The following LMO7 variants were observed in gnomAD, a reference collection of about 807,000 sequenced individuals.
LMO7 encodes the protein LIM domain 7.
In LMO7, 120 loss-of-function variants were observed where a neutral mutation model predicts 206.5. The ratio of observed to expected loss-of-function variants is 0.58; its 90% confidence interval spans 0.50 to 0.68. LMO7 has a LOEUF of 0.68. Ranked by LOEUF, LMO7 falls within the 30% of genes least tolerant of loss-of-function variation. LMO7 has a pLI of 0.00. For synonymous variants in LMO7, 706 were observed against 681.5 expected, an observed-to-expected ratio of 1.04 and a Z score of -0.56; for missense variants, 1,959 against 1,957.9, an observed-to-expected ratio of 1.00 and a Z score of -0.01.
intron 4 of LMO7, among the ~76,000 whole-genome samples, chr13:75,785,250 A>G (rs1329205494): frequency 6.6e-6 from 1 of 152,156 alleles, no homozygotes; most frequent in Non-Finnish European, 1.5e-5. Flanking sequence ...GTAAGGTAGA[A>G]AATATTTGTG....
chr13:75,698,060 C>A (rs989614660), intron 1 of LMO7, among the ~76,000 whole-genome samples: 1 of 152,014 alleles, frequency 6.6e-6, no homozygotes, highest in Admixed American at 6.5e-5. Flanking sequence ...TGAGACCATA[C>A]AATTAAAGTG....
In LMO7 at chr13:75,833,401, T is replaced by G. The variant is rs184136703; in HGVS notation, c.3064+236T>G. On this transcript the variant is annotated intron_variant, in intron 16 of 30. Coordinates refer to ENST00000377534, the MANE Select transcript of LMO7 (RefSeq NM_001306080.2). Reference sequence around the variant, plus strand: ...GTTTTGAAGAGTCTTAATTTTGTGATTTTACAGATTTTATCCATTTTGGAC... The same window carrying G: ...GTTTTGAAGAGTCTTAATTTTGTGAGTTTACAGATTTTATCCATTTTGGAC... Among the ~76,000 whole-genome samples, 356 of 152,310 alleles carry G rather than the reference T, an allele frequency of 2.3e-3. 2 individuals are homozygous for G. Among genetic ancestry groups the G allele is most frequent in the African/African-American group, 7.8e-3 (326 of 41,574 alleles).
chr13:75,857,986 G>C lies in LMO7; in HGVS notation c.*43G>C. Reference sequence around the variant, plus strand: ...AAGCACTGTTGCAGATAGAAGAAGAGGTGGTTGCTGCTCATGTAGATCTAT... The same window carrying C: ...AAGCACTGTTGCAGATAGAAGAAGACGTGGTTGCTGCTCATGTAGATCTAT... On this transcript the variant is annotated 3_prime_UTR_variant, in exon 31 of 31. Coordinates refer to ENST00000377534, the MANE Select transcript of LMO7 (RefSeq NM_001306080.2). 2 of 1,607,400 alleles carry C rather than the reference G, an allele frequency of 1.2e-6. No individual in the cohort carries two copies. The highest frequency in any genetic ancestry group is 1.7e-6 in the Non-Finnish European group (2 of 1,176,506).
At chr13:75,838,264 G>T in intron 20 of LMO7, 68 bp downstream of exon 20, 1 of 1,516,682 alleles carries the variant, frequency 6.6e-7, no homozygotes. Flanking sequence ...CTTCCTCATG[G>T]TCTGTGGTGC....
intron 4 of LMO7, among the ~76,000 whole-genome samples, chr13:75,793,909 A>G (rs575023905): frequency 2.6e-5 from 4 of 151,888 alleles, no homozygotes; most frequent in Non-Finnish European, 4.4e-5. Context: ...ATATGAATGG[A>G]ATAATACAGC....
intron 2 of LMO7, among the ~76,000 whole-genome samples, chr13:75,720,093 G>A (rs1159946913): frequency 6.6e-6 from 1 of 152,162 alleles, no homozygotes; most frequent in Non-Finnish European, 1.5e-5. Context: ...AACATATGAT[G>A]TGGAGCATCT....
In LMO7 at chr13:75,797,125, C is replaced by T. The variant is rs17065060; in HGVS notation, c.462+376C>T. Among the ~76,000 whole-genome samples the T allele has an allele frequency of 3.4e-3, 514 of 152,240 alleles. 3 individuals carry two copies. The highest frequency in any genetic ancestry group is 0.011 in the African/African-American group (470 of 41,556). ...AGAGGTGCTTCCTGGACTGTTCACG[C>T]GCATGGAATTTACTCAATTTCTTTG... On this transcript the variant is annotated intron_variant, in intron 6 of 30. Transcript: ENST00000377534.
intron 14 of LMO7, among the ~76,000 whole-genome samples, chr13:75,822,379 A>G (rs2057667769): frequency 6.6e-6 from 1 of 152,218 alleles, no homozygotes; most frequent in African/African-American, 2.4e-5. Flanking sequence ...CATATTTGAC[A>G]TTATAAGAAT....
chr13:75,726,942 A>C, intron 2 of LMO7, 87 bp from the exon 3 acceptor site: 4 of 741,232 alleles, frequency 5.4e-6, no homozygotes, highest in Admixed American at 2.0e-5. Context: ...AGGGGAGGGA[A>C]TAGTGATATA....
At chr13:75,836,351 A>T in intron 18 of LMO7, 46 bp from the exon 19 acceptor site, 1 of 1,075,802 alleles carries the variant, frequency 9.3e-7, no homozygotes, top group Middle Eastern at 2.0e-4. Flanking sequence ...TTTAAGGCCA[A>T]AGTCCAACTG....
At chr13:75,776,188 T>TCGG (rs1408709982) in intron 4 of LMO7, among the ~76,000 whole-genome samples, 8 of 86,394 alleles carry the variant, frequency 9.3e-5, no homozygotes, top group Non-Finnish European at 1.4e-4. Flanking sequence ...TATATATATA[T>TCGG]ATATATATAT....
At position 75,779,971 on chromosome 13, in the gene LMO7, C is replaced by A. The variant is rs558301986; in HGVS notation, c.318-15430C>A. ...ACATGTTGGCAGGTTCCGTGATGCC[C>A]CCTGAGCCGCAAAACCAGCAAGTTT... On this transcript the variant is annotated intron_variant, in intron 4 of 30. Transcript: ENST00000377534. Among the ~76,000 whole-genome samples the A allele has an allele frequency of 5.9e-5, 9 of 152,182 alleles. No individual in the cohort carries two copies. In the South Asian group the frequency reaches 1.7e-3, roughly 28 times the overall value.
In LMO7 at chr13:75,662,068, C is replaced by T. The variant is rs551505538; in HGVS notation, c.69+25342C>T. ...ACTGAGAAGCTACTCACCCTTAACT[C>T]ATGACTCACCTTCAGTCATATGTTA... On this transcript the variant is annotated intron_variant, in intron 1 of 30. Coordinates refer to ENST00000377534, the MANE Select transcript of LMO7 (RefSeq NM_001306080.2). Among the ~76,000 whole-genome samples the T allele has an allele frequency of 8.4e-4, 128 of 152,308 alleles. 1 individual carries two copies. Among genetic ancestry groups the T allele is most frequent in the African/African-American group, 2.9e-3 (120 of 41,572 alleles).
intron 1 of LMO7, among the ~76,000 whole-genome samples, chr13:75,684,566 T>TA (rs1555293839): frequency 1.3e-5 from 2 of 150,488 alleles, no homozygotes; most frequent in African/African-American, 2.4e-5. Context: ...TTTTTTTTTT[T>TA]AAACAAGTTT....
At chr13:75,800,042 C>A (rs1000389616) in intron 6 of LMO7, among the ~76,000 whole-genome samples, 15 of 152,166 alleles carry the variant, frequency 9.9e-5, no homozygotes, top group African/African-American at 3.6e-4. Flanking sequence ...AACAAGTATG[C>A]TTCCCTTGAT....
intron 3 of LMO7, chr13:75,760,435 G>T: frequency 8.8e-7 from 1 of 1,138,800 alleles, no homozygotes; most frequent in South Asian, 3.2e-5. Flanking sequence ...TCCAGGTGTG[G>T]TATTCCACAG....
chr13:75,752,594 C>T (rs975536964), intron 3 of LMO7, among the ~76,000 whole-genome samples: 5 of 152,166 alleles, frequency 3.3e-5, no homozygotes, highest in Middle Eastern at 3.2e-3. Context: ...CCTTCCCATC[C>T]CCACAATGCT....
At chr13:75,730,362 T>C (rs2045027813) in intron 3 of LMO7, among the ~76,000 whole-genome samples, 1 of 152,154 alleles carries the variant, frequency 6.6e-6, no homozygotes, top group African/African-American at 2.4e-5. Flanking sequence ...CTTGGGAGAG[T>C]GTATGTGTCC....
intron 1 of LMO7, among the ~76,000 whole-genome samples, chr13:75,699,570 C>G (rs1275812354): frequency 6.6e-6 from 1 of 152,046 alleles, no homozygotes; most frequent in African/African-American, 2.4e-5. Context: ...TTCTGTGATG[C>G]CCCCAAGCTG....
Sources: gnomAD v4.1 joint callset for allele counts (sites outside exome capture counted in the v4.1 genomes callset) on GRCh38, gnomAD v4.1.1 for gene constraint, MANE v1.5 for transcripts, NCBI Gene and HGNC (gene_info 2026-07-23, HGNC 2026-07-21) for gene names.